The following ERICH3 variants were observed in gnomAD, a reference collection of about 807,000 sequenced individuals.
ERICH3 encodes glutamate-rich protein 3.
In ERICH3, 126 loss-of-function variants were observed where a neutral mutation model predicts 131.1. That is an observed-to-expected ratio of 0.96 (90% confidence interval 0.83 to 1.11). The LOEUF is 1.11. ERICH3 is among the 50% of genes most tolerant of loss of function. The pLI is 0.00. For missense variants in ERICH3, 2,050 were observed against 1,810.7 expected (o/e 1.13, Z -2.40); for synonymous variants, 695 against 644.6 (o/e 1.08, Z -1.18).
chr1:74,653,789 C>A (rs527481345), intron 1 of ERICH3, among the ~76,000 whole-genome samples: 77 of 152,180 alleles, frequency 5.1e-4, no homozygotes, highest in African/African-American at 1.8e-3. Flanking sequence ...GCCTGAAGCA[C>A]CCTGTAACTC....
intron 1 of ERICH3, among the ~76,000 whole-genome samples, chr1:74,670,372 A>G (rs1174084950): frequency 6.6e-6 from 1 of 152,106 alleles, no homozygotes; most frequent in Admixed American, 6.6e-5. Context: ...CTCTGATCCT[A>G]TATTGTCTGG....
intron 11 of ERICH3, among the ~76,000 whole-genome samples, chr1:74,596,775 C>T (rs534054864): frequency 3.9e-5 from 6 of 152,170 alleles, no homozygotes; most frequent in African/African-American, 9.6e-5. Context: ...AGGAAGCTGT[C>T]GTTCTTTTTA....
intron 9 of ERICH3, among the ~76,000 whole-genome samples, chr1:74,609,121 G>C (rs968068485): frequency 6.6e-6 from 1 of 152,010 alleles, no homozygotes; most frequent in Non-Finnish European, 1.5e-5. Context: ...TACATGGTTA[G>C]GCAATTCTTC....
intron 11 of ERICH3, among the ~76,000 whole-genome samples, chr1:74,594,813 G>T (rs1215603969): frequency 6.6e-6 from 1 of 152,020 alleles, no homozygotes; most frequent in Non-Finnish European, 1.5e-5. Context: ...TCACCTGCTA[G>T]CAAGGAGCAT....
upstream of ERICH3, among the ~76,000 whole-genome samples, chr1:74,674,266 G>C (rs1280361909): frequency 2.0e-5 from 3 of 152,188 alleles, no homozygotes; most frequent in Non-Finnish European, 2.9e-5. Flanking sequence ...TTCAGAAGAT[G>C]GGGGAGACGC....
intron 1 of ERICH3, among the ~76,000 whole-genome samples, chr1:74,665,125 A>T (rs1011297713): frequency 1.1e-4 from 16 of 152,120 alleles, no homozygotes; most frequent in African/African-American, 3.4e-4. Flanking sequence ...AAGAGACCTC[A>T]GAAAGCTCTC....
At chr1:74,655,927 T>C (rs774034760) in intron 1 of ERICH3, among the ~76,000 whole-genome samples, 14 of 152,174 alleles carry the variant, frequency 9.2e-5, no homozygotes, top group Non-Finnish European at 1.9e-4. Context: ...AAGATCAAGA[T>C]GCCATCATCT....
At chr1:74,614,472 A>C (rs1252458115) in intron 8 of ERICH3, among the ~76,000 whole-genome samples, 2 of 151,474 alleles carry the variant, frequency 1.3e-5, no homozygotes, top group African/African-American at 2.4e-5. Flanking sequence ...GTCAGGAGAT[A>C]GAGACCATCC....
At chr1:74,587,712 T>G (rs953822918) in intron 12 of ERICH3, among the ~76,000 whole-genome samples, 1 of 152,214 alleles carries the variant, frequency 6.6e-6, no homozygotes. Context: ...GTGTTTCTAT[T>G]GACCTTTAAC....
chr1:74,634,036 G>T (rs1195078280), intron 6 of ERICH3, among the ~76,000 whole-genome samples: 2 of 151,946 alleles, frequency 1.3e-5, no homozygotes, highest in African/African-American at 4.8e-5. Flanking sequence ...TCTATCTGTT[G>T]TACCTTCAAG....
At chr1:74,596,588 A>C (rs1647862703) in intron 11 of ERICH3, among the ~76,000 whole-genome samples, 1 of 152,014 alleles carries the variant, frequency 6.6e-6, no homozygotes, top group African/African-American at 2.4e-5. Context: ...TTCCTGTCTA[A>C]CTGTAACTTT....
chr1:74,622,353 C>T (rs1384239909), intron 7 of ERICH3: 1 of 152,216 alleles, frequency 6.6e-6, no homozygotes, highest in Non-Finnish European at 1.5e-5. Context: ...CATCAAGAGC[C>T]ATGAAAGTAA....
At chr1:74,672,023 T>C (rs1022988329) in intron 1 of ERICH3, among the ~76,000 whole-genome samples, 10 of 152,226 alleles carry the variant, frequency 6.6e-5, no homozygotes, top group African/African-American at 1.9e-4. Context: ...GGCTTGGAAC[T>C]AATGGAACTT....
intron 12 of ERICH3, 183 bp from the exon 13 acceptor site, chr1:74,577,119 T>A (rs1261884703): frequency 1.9e-6 from 1 of 531,148 alleles, no homozygotes; most frequent in East Asian, 2.9e-5. Context: ...TAATCTAATG[T>A]TCTTTTATTT....
intron 3 of ERICH3, among the ~76,000 whole-genome samples, chr1:74,644,739 T>C (rs756363198): frequency 2.0e-5 from 3 of 152,086 alleles, no homozygotes; most frequent in African/African-American, 4.8e-5. Flanking sequence ...AGCTTCCTAA[T>C]TGACCTCCCA....
At chr1:74,607,900 T>G (rs1458177691) in intron 9 of ERICH3, among the ~76,000 whole-genome samples, 1 of 151,968 alleles carries the variant, frequency 6.6e-6, no homozygotes, top group Non-Finnish European at 1.5e-5. Flanking sequence ...TGTGCCAAGC[T>G]CTTTTCTGGG....
At chr1:74,581,965 T>C (rs759780428) in intron 12 of ERICH3, among the ~76,000 whole-genome samples, 3 of 152,208 alleles carry the variant, frequency 2.0e-5, no homozygotes, top group Non-Finnish European at 2.9e-5. Flanking sequence ...ATTCACTGCG[T>C]TACTTTTCTG....
rs1646990085 is a variant in ERICH3 at position 74,573,177 on chromosome 1, C to T, written c.2533G>A (p.Ala845Thr). ...TCACCCAGCCTTCTGACCCCTTCTG[C>T]TTCTGCTGCTCCCTCTGCCCCCCTT... ...IERGAEGAAE[A>T]EGVRRLGEGG... Residue 845 changes from alanine (A) to threonine (T), a missense_variant, in exon 14 of 15, where the codon GCA becomes ACA. Transcript: ENST00000326665. 6.2e-7 allele frequency: 1 copy of T among 1,613,854 alleles called. No homozygotes were observed. Among genetic ancestry groups the T allele is most frequent in the Non-Finnish European group, 8.5e-7 (1 of 1,179,824 alleles).
At chr1:74,619,630 G>A (rs547998989) in intron 8 of ERICH3, among the ~76,000 whole-genome samples, 1 of 152,228 alleles carries the variant, frequency 6.6e-6, no homozygotes, top group South Asian at 2.1e-4. Context: ...GTTACCTTGG[G>A]GAGCCACTCC....
Sources: allele counts gnomAD v4.1 joint callset (sites outside exome capture counted in the v4.1 genomes callset), GRCh38; gene constraint gnomAD v4.1.1; transcripts MANE v1.5; gene names NCBI Gene and HGNC (gene_info 2026-07-23, HGNC 2026-07-21).